CGAS: variants seen among roughly 807,000 people sequenced by gnomAD.
CGAS encodes the protein 2'3'-cGAMP synthase.
Under a neutral mutation model 34.0 loss-of-function variants are expected in CGAS, and 31 were observed. The ratio of observed to expected loss-of-function variants is 0.91; its 90% CI spans 0.69 to 1.23. The LOEUF is 1.23. CGAS is among the 50% of genes most tolerant of loss of function. The pLI is 0.00. For synonymous variants in CGAS, 266 were observed against 260.0 expected (o/e 1.02, Z -0.22); for missense variants, 597 against 657.6 (o/e 0.91, Z 1.01).
At chr6:73,443,057 C>T (rs1770410508) in intron 2 of CGAS, among the ~76,000 whole-genome samples, 1 of 152,032 alleles carries the variant, frequency 6.6e-6, no homozygotes, top group South Asian at 2.1e-4. Flanking sequence ...GTTATCTCCA[C>T]TGCAACCCTG....
chr6:73,445,956 A>AT (rs1027726582), intron 1 of CGAS, among the ~76,000 whole-genome samples: 2 of 151,970 alleles, frequency 1.3e-5, no homozygotes, highest in South Asian at 2.1e-4. Context: ...CACTCAATTA[A>AT]TTTTTTTTAC....
intron 3 of CGAS, among the ~76,000 whole-genome samples, chr6:73,436,284 A>G (rs2150812330): frequency 1.1e-5 from 1 of 89,986 alleles, no homozygotes; most frequent in East Asian, 3.2e-4. Flanking sequence ...TTGATACATT[A>G]TTGTTAACTA....
At chr6:73,428,215 G>T (rs311674) in intron 4 of CGAS, among the ~76,000 whole-genome samples, 1 of 150,894 alleles carries the variant, frequency 6.6e-6, no homozygotes, top group Non-Finnish European at 1.5e-5. Flanking sequence ...CAGAGTGAAA[G>T]TCTGTCTCAA....
intron 2 of CGAS, among the ~76,000 whole-genome samples, chr6:73,441,058 CTTTTCTT>C (rs1192994652): frequency 6.6e-6 from 1 of 150,434 alleles, no homozygotes; most frequent in African/African-American, 2.4e-5. Flanking sequence ...CTTTTCTTTT[CTTTTCTT>C]TTTTCTTTTT....
chr6:73,450,091 G>T (rs1770537469), intron 1 of CGAS, among the ~76,000 whole-genome samples: 1 of 138,936 alleles, frequency 7.2e-6, no homozygotes, highest in African/African-American at 2.6e-5. Flanking sequence ...GAGAGACAGA[G>T]AGATAGAGAG....
chr6:73,440,716 A>G (rs1206440309), intron 2 of CGAS, among the ~76,000 whole-genome samples: 4 of 152,124 alleles, frequency 2.6e-5, no homozygotes, highest in Non-Finnish European at 5.9e-5. Flanking sequence ...AGCCTGGCCA[A>G]CATGGTGGAA....
chr6:73,425,527 CCTTT>C lies in CGAS; in HGVS notation c.1265_1268del (p.Glu422GlyfsTer16). On this transcript the variant is annotated frameshift_variant, in exon 5 of 5. Transcript: ENST00000370315. LOFTEE classifies it low-confidence loss of function (END_TRUNC). ...TATCCAGATGTTTTTTGTCTTTAAA[CCTTT>C]CTTTCAGCTGTTCTAAAAGGTATTT... is the stretch of plus-strand genomic sequence containing the variant. 1.2e-6 allele frequency: 2 copies of C among 1,610,518 alleles called. No homozygotes were observed. Among genetic ancestry groups the C allele is most frequent in the Non-Finnish European group, 1.7e-6 (2 of 1,179,070 alleles).
rs1367697828 is a variant in CGAS, at chr6:73,423,755, G to T, written c.*1472C>A. On this transcript the variant is annotated 3_prime_UTR_variant, in exon 5 of 5. Transcript: ENST00000370315. ...ATTCTCAAAAGCTTGAATGAGAAAA[G>T]AAATCAACTCCATTAAAATTTAAAA... 6.6e-6 allele frequency: 1 copy of T among 151,916 alleles called. No individual in the cohort carries two copies. Among genetic ancestry groups the T allele is most frequent in the East Asian group, 1.9e-4 (1 of 5,192 alleles). The allele number at this position is 151,916 out of a possible 1,614,324, so 9.4% of individuals were successfully genotyped here. A position where few individuals can be genotyped will look rare whatever the true frequency, so the allele number is the denominator to read the frequency against.
chr6:73,451,282 T>C (rs190564865), intron 1 of CGAS, among the ~76,000 whole-genome samples: 53 of 152,306 alleles, frequency 3.5e-4, no homozygotes, highest in African/African-American at 1.2e-3. Flanking sequence ...TACATTTGAA[T>C]TCCCCCGGGA....
At position 73,451,529 on chromosome 6, in the gene CGAS, A is replaced by G. The variant is rs1298634797; in HGVS notation, c.653T>C (p.Val218Ala). 6.4e-7 allele frequency: 1 copy of G among 1,556,486 alleles called. No individual in the cohort carries two copies. Among genetic ancestry groups the G allele is most frequent in the African/African-American group, 1.4e-5 (1 of 73,138 alleles). The change falls in exon 1 of 5, where the codon GTG (valine) becomes GCG (alanine). Residue 218 changes from valine (V) to alanine (A), a missense_variant. By Grantham distance (64) the Val-to-Ala change is moderately conservative. This residue lies in a region of CGAS where 321 missense variants were observed against 314.3 expected (regional missense o/e 1.02). Transcript: ENST00000370315. ...GGAGGGCGCCAAGCAGCTCACCTTC[A>G]CGTGCTCATAGTAGCTCCCGGTGTT... ...LLNTGSYYEH[V>A]KISAPNEFDV... is the part of the protein sequence containing the mutation.
Position 73,451,654 on chromosome 6 carries a change from G to C in CGAS, c.528C>G (p.Arg176=), listed in dbSNP as rs1483402903. Residue 176 remains arginine, a synonymous_variant, in exon 1 of 5, where the codon CGC becomes CGG. Coordinates refer to ENST00000370315, the MANE Select transcript of CGAS (RefSeq NM_138441.3). ...RAVLEKLKLS[R]DDISTAAGMV... ...TCCCCGCCGCCGTGGAGATATCATCGCGGCTGAGCTTCAACTTCTCCAAAA... is the reference window on the plus strand; with the variant it reads ...TCCCCGCCGCCGTGGAGATATCATCCCGGCTGAGCTTCAACTTCTCCAAAA... The C allele has an allele frequency of 6.2e-7, 1 of 1,614,116 alleles. No homozygotes were observed. The highest frequency in any genetic ancestry group is 2.2e-5 in the East Asian group (1 of 44,864).
chr6:73,427,661 G>A (rs1449202859), intron 4 of CGAS, among the ~76,000 whole-genome samples: 1 of 151,890 alleles, frequency 6.6e-6, no homozygotes, highest in Non-Finnish European at 1.5e-5. Context: ...GTTCTTTATG[G>A]TGTGTATGCC....
At chr6:73,440,180 C>A in intron 3 of CGAS, 29 bp downstream of exon 3, 2 of 1,578,098 alleles carry the variant, frequency 1.3e-6, no homozygotes, top group Non-Finnish European at 1.7e-6. Context: ...TCTTTTACTT[C>A]TTTAAGTTAA....
chr6:73,452,017 C>T lies in CGAS; in HGVS notation c.165G>A (p.Arg55=), dbSNP rs34985291. 19,334 of 1,483,374 alleles carry T rather than the reference C, an allele frequency of 0.013. 151 individuals are homozygous for T. Among genetic ancestry groups the T allele is most frequent in the Middle Eastern group, 0.02 (110 of 5,406 alleles). 91.9% of individuals were successfully genotyped at this position (1,483,374 alleles called of 1,614,324 possible). ...LPKAGKFGPA[R]KSGSRQKKSA... ...TCTTTTTCTGCCGGGATCCCGACTT[C>T]CTGGCGGGGCCGAACTTTCCCGCCT... The change falls in exon 1 of 5, where the codon AGG becomes AGA. Residue 55 remains arginine (R), a synonymous_variant. Coordinates refer to ENST00000370315, the MANE Select transcript of CGAS (RefSeq NM_138441.3).
intron 1 of CGAS, 40 bp from the exon 2 acceptor site, chr6:73,445,787 G>T: frequency 7.0e-7 from 1 of 1,434,978 alleles, no homozygotes; most frequent in South Asian, 1.3e-5. Flanking sequence ...ATTTGCTTAT[G>T]AATATTTTCC....
intron 3 of CGAS, among the ~76,000 whole-genome samples, chr6:73,429,685 G>A (rs1770156377): frequency 6.6e-6 from 1 of 151,942 alleles, no homozygotes; most frequent in South Asian, 2.1e-4. Flanking sequence ...AATTAGCCGG[G>A]CGTGGTGGCG....
At chr6:73,441,848 C>G (rs1770386703) in intron 2 of CGAS, among the ~76,000 whole-genome samples, 1 of 152,122 alleles carries the variant, frequency 6.6e-6, no homozygotes, top group Admixed American at 6.6e-5. Context: ...CTCCTGTTAC[C>G]ACTGAGGAAG....
rs1770031198 is a variant in CGAS at position 73,423,762 on chromosome 6, A to G, written c.*1465T>C. On this transcript the variant is annotated 3_prime_UTR_variant, in exon 5 of 5. Transcript: ENST00000370315. Reference sequence around the variant, plus strand: ...AAAGCTTGAATGAGAAAAGAAATCAACTCCATTAAAATTTAAAAATCTTTA... The same window carrying G: ...AAAGCTTGAATGAGAAAAGAAATCAGCTCCATTAAAATTTAAAAATCTTTA... 1 of 152,150 alleles carries G rather than the reference A, an allele frequency of 6.6e-6. No individual in the cohort carries two copies. The highest frequency in any genetic ancestry group is 6.5e-5 in the Admixed American group (1 of 15,278). The allele number at this position is 152,150 out of a possible 1,614,324, so 9.4% of individuals were successfully genotyped here. A position where few individuals can be genotyped will look rare whatever the true frequency, so the allele number is the denominator to read the frequency against.
intron 3 of CGAS, among the ~76,000 whole-genome samples, chr6:73,432,419 C>T (rs1381809609): frequency 6.6e-6 from 1 of 151,886 alleles, no homozygotes; most frequent in Non-Finnish European, 1.5e-5. Context: ...CCTTGGCCTC[C>T]CAAAGTGCTT....
Sources: allele counts gnomAD v4.1 joint callset (sites outside exome capture counted in the v4.1 genomes callset), GRCh38; gene constraint gnomAD v4.1.1; regional missense constraint gnomAD v4.1.1; transcripts MANE v1.5; gene names NCBI Gene and HGNC (gene_info 2026-07-23, HGNC 2026-07-21).